Variants in TEAD4 observed in about 807,000 individuals in gnomAD.
TEAD4 encodes the protein transcriptional enhancer factor TEF-3.
In TEAD4, 36 loss-of-function variants were observed where a neutral mutation model predicts 52.4. That is an observed-to-expected ratio of 0.69 (90% CI 0.53 to 0.91). TEAD4 has a LOEUF of 0.91. TEAD4 is among the 40% of genes least tolerant of loss of function. TEAD4 has a pLI of 0.00. For synonymous variants in TEAD4, 220 were observed against 231.0 expected, an observed-to-expected ratio of 0.95 and a Z score of 0.43; for missense variants, 508 against 583.9, an observed-to-expected ratio of 0.87 and a Z score of 1.34.
chr12:2,972,163 T>G (rs2098225676), intron 2 of TEAD4, among the ~76,000 whole-genome samples: 1 of 151,742 alleles, frequency 6.6e-6, no homozygotes, highest in Non-Finnish European at 1.5e-5. Context: ...CCTTCAGCCT[T>G]GAGCTCCTGG....
intron 2 of TEAD4, among the ~76,000 whole-genome samples, chr12:2,963,983 A>G (rs7138776): frequency 0.67 from 101,130 of 151,812 alleles, 34,082 homozygotes; most frequent in African/African-American, 0.76. Flanking sequence ...GGAAATGGGA[A>G]CTGTGCAGAG....
rs1162423063 is a variant in TEAD4, at chr12:2,968,964, T to C, written c.-30+8924T>C. On this transcript the variant is annotated intron_variant, in intron 2 of 12. Transcript: ENST00000359864. ...AGCCACTGTGCTGGGCCTGTGAGTG[T>C]CTTAACAGAGGCTGGATGAGGACTT... 2.0e-5 allele frequency among the ~76,000 whole-genome samples: 3 copies of C among 150,968 alleles called. No homozygotes were observed. In the Admixed American group the frequency reaches 2.0e-4, roughly 10 times the overall value.
chr12:3,029,028 A>T (rs142273809), intron 10 of TEAD4, among the ~76,000 whole-genome samples: 45 of 152,032 alleles, frequency 3.0e-4, no homozygotes, highest in South Asian at 1.5e-3. Context: ...TATGATTTGT[A>T]ATTATTATTT....
chr12:2,968,829 T>C (rs1054144747), intron 2 of TEAD4, among the ~76,000 whole-genome samples: 2 of 152,102 alleles, frequency 1.3e-5, no homozygotes, highest in African/African-American at 4.8e-5. Flanking sequence ...TTAAAACTTT[T>C]TGTAGAAACA....
chr12:2,978,518 C>T (rs1391755951), intron 2 of TEAD4, among the ~76,000 whole-genome samples: 2 of 151,392 alleles, frequency 1.3e-5, no homozygotes, highest in Non-Finnish European at 2.9e-5. Context: ...ATTTTTGTGC[C>T]TCAGCCTCCT....
chr12:2,974,497 A>C (rs1412354854), intron 2 of TEAD4, among the ~76,000 whole-genome samples: 2 of 152,174 alleles, frequency 1.3e-5, no homozygotes, highest in African/African-American at 4.8e-5. Context: ...CCCAGTCCAG[A>C]GGCTCGAGTC....
At chr12:3,016,322 C>T (rs1179108487) in intron 5 of TEAD4, among the ~76,000 whole-genome samples, 1 of 152,192 alleles carries the variant, frequency 6.6e-6, no homozygotes, top group Non-Finnish European at 1.5e-5. Context: ...ACCACCACTT[C>T]CGGCCAGGTA....
At chr12:3,011,235 C>CTT (rs368082304) in intron 4 of TEAD4, among the ~76,000 whole-genome samples, 167 bp downstream of exon 4, 7,051 of 151,812 alleles carry the variant, frequency 0.046, 525 homozygotes, top group African/African-American at 0.16. Flanking sequence ...TTTTCTTTTT[C>CTT]TTTCTTTTTT....
rs2098245420 is a variant in TEAD4 at position 2,994,281 on chromosome 12, G to A, written c.-29-457G>A. 6.6e-6 allele frequency among the ~76,000 whole-genome samples: 1 copy of A among 152,222 alleles called. No individual in the cohort carries two copies. The highest frequency in any genetic ancestry group is 1.5e-5 in the Non-Finnish European group (1 of 68,012). ...AGTAGAAACGGGGTTTCACCATGTT[G>A]GCCAGGCTGGTCTCGAGTTCCTGAC... On this transcript the variant is annotated intron_variant, in intron 2 of 12. Coordinates refer to ENST00000359864, the MANE Select transcript of TEAD4 (RefSeq NM_003213.4). This position sits in a 1 kb window ranked among gnomAD's most constrained non-coding sequence, Gnocchi z 4.7.
chr12:2,987,465 C>T (rs1264220751), intron 2 of TEAD4, among the ~76,000 whole-genome samples: 2 of 151,598 alleles, frequency 1.3e-5, no homozygotes, highest in African/African-American at 4.8e-5. Flanking sequence ...GACGGAGTCT[C>T]ACTCTTTCAC....
At chr12:2,987,037 G>A (rs2098239109) in intron 2 of TEAD4, among the ~76,000 whole-genome samples, 1 of 152,214 alleles carries the variant, frequency 6.6e-6, no homozygotes, top group African/African-American at 2.4e-5. Context: ...CTGAGAGAGA[G>A]CCGAGGAGGT....
intron 2 of TEAD4, among the ~76,000 whole-genome samples, chr12:2,966,601 C>T (rs1216841838): frequency 1.3e-5 from 2 of 151,160 alleles, no homozygotes; most frequent in South Asian, 2.1e-4. Context: ...TTAGTAGAAA[C>T]AGGGTTTCAC....
chr12:3,017,653 C>T (rs1302030079), intron 6 of TEAD4, 127 bp downstream of exon 6: 7 of 1,353,282 alleles, frequency 5.2e-6, no homozygotes, highest in Non-Finnish European at 6.9e-6. Context: ...CCAGGGCAGT[C>T]AGGGAAGGAG....
At chr12:3,010,730 T>C (rs554445441) in intron 3 of TEAD4, among the ~76,000 whole-genome samples, 2 of 152,288 alleles carry the variant, frequency 1.3e-5, no homozygotes, top group Non-Finnish European at 2.9e-5. Context: ...AGGGAGGCTC[T>C]GGAAGTTCCT....
intron 11 of TEAD4, 50 bp from the exon 12 acceptor site, chr12:3,040,057 G>C: frequency 6.2e-7 from 1 of 1,606,348 alleles, no homozygotes; most frequent in Non-Finnish European, 8.5e-7. Context: ...GTCTGGGCTG[G>C]AGGTGGTCAG....
Position 3,020,725 on chromosome 12 carries a change from G to C in TEAD4, c.675G>C (p.Trp225Cys), listed in dbSNP as rs1206572490. The C allele has an allele frequency of 1.9e-6, 3 of 1,609,092 alleles. No individual in the cohort carries two copies. Among genetic ancestry groups the C allele is most frequent in the Non-Finnish European group, 2.5e-6 (3 of 1,177,722 alleles). The change falls in exon 9 of 13, where the codon TGG (tryptophan) becomes TGC (cysteine). Residue 225 changes from tryptophan (W) to cysteine (C), a missense_variant. Transcript: ENST00000359864. ...GCAGCGTGGCCAGCTCCAAGCTCTG[G>C]ATGTTGGAGTTCTCTGCCTTCCTGG...
rs577403649 is a variant in TEAD4, at chr12:2,994,683, G to A, written c.-29-55G>A. ...GCACTCCCCGGAGTGCCTTCATCCC[G>A]TGGCCCACGCAGTTCTTCCACTGCT... is the stretch of plus-strand genomic sequence containing the variant. On this transcript the variant is annotated intron_variant, in intron 2 of 12. Transcript: ENST00000359864. The surrounding 1 kb of genome is among the most constrained non-coding windows in gnomAD (Gnocchi z 4.7). The A allele has an allele frequency of 6.0e-6, 9 of 1,490,990 alleles. No homozygotes were observed. The highest frequency in any genetic ancestry group is 2.8e-5 in the African/African-American group (2 of 71,088). The allele number at this position is 1,490,990 out of a possible 1,614,324, so 92.4% of individuals were successfully genotyped here. A position where few individuals can be genotyped will look rare whatever the true frequency, so the allele number is the denominator to read the frequency against.
chr12:3,013,009 TGACGCAGTCATAGCTCACTGCAGC>T (rs1157548865), intron 5 of TEAD4, among the ~76,000 whole-genome samples: 9 of 152,222 alleles, frequency 5.9e-5, no homozygotes, highest in Non-Finnish European at 8.8e-5. Context: ...CTCAGTGCAG[TGACGCAGTCATAGCTCACTGCAGC>T]CTCGACCTCA....
chr12:3,023,395 T>C (rs952953631), intron 10 of TEAD4, among the ~76,000 whole-genome samples: 4 of 152,166 alleles, frequency 2.6e-5, no homozygotes, highest in African/African-American at 9.7e-5. Context: ...TGTTCTGGAA[T>C]GAAAAATAAG....
Sources: gnomAD v4.1 joint callset for allele counts (sites outside exome capture counted in the v4.1 genomes callset) on GRCh38, gnomAD v4.1.1 for gene constraint, Gnocchi (gnomAD v3.1) non-coding constraint, MANE v1.5 for transcripts, NCBI Gene and HGNC (gene_info 2026-07-23, HGNC 2026-07-21) for gene names.